PTK2: variants seen among roughly 807,000 people sequenced by gnomAD.
PTK2 encodes the protein protein tyrosine kinase 2, also known as focal adhesion kinase 1.
In PTK2, 45 loss-of-function variants were observed where a neutral mutation model predicts 150.1. That is an observed-to-expected ratio of 0.30 (90% CI 0.24 to 0.38). The LOEUF is 0.38. Among genes scored for constraint, PTK2 ranks in the 10% least tolerant of loss-of-function variants. PTK2 has a pLI of 1.00. For synonymous variants in PTK2, 432 were observed against 449.2 expected (o/e 0.96, Z 0.48); for missense variants, 919 against 1,307.3 (o/e 0.70, Z 4.58).
intron 3 of PTK2, among the ~76,000 whole-genome samples, chr8:140,883,982 T>A (rs2100150775): frequency 6.6e-6 from 1 of 152,138 alleles, no homozygotes; most frequent in Non-Finnish European, 1.5e-5. Context: ...ACTGCACTCC[T>A]TGGCTCATGG....
intron 3 of PTK2, among the ~76,000 whole-genome samples, chr8:140,881,391 T>C (rs2100148964): frequency 6.6e-6 from 1 of 152,222 alleles, no homozygotes; most frequent in Admixed American, 6.5e-5. Context: ...GGATGGAAGC[T>C]AGCACCTCTG....
rs1252621560 is a variant in PTK2 at position 140,890,638 on chromosome 8, C to A, written c.100G>T (p.Glu34Ter). 1 of 1,613,986 alleles carries A rather than the reference C, an allele frequency of 6.2e-7. No homozygotes were observed. Among genetic ancestry groups the A allele is most frequent in the Non-Finnish European group, 8.5e-7 (1 of 1,180,030 alleles). ...TAATGAAAGACCTTTAATACTCGCT[C>A]CATTGCACCAGGAGAACGTTCCATA... Residue 34 changes from glutamate (E) to a stop codon, truncating the protein, a stop_gained, in exon 3 of 32, where the codon GAG becomes TAG. Coordinates refer to ENST00000522684, the Ensembl canonical transcript of PTK2. LOFTEE classifies it high-confidence loss of function.
At chr8:140,829,399 T>C (rs1460639440) in intron 8 of PTK2, among the ~76,000 whole-genome samples, 1 of 152,202 alleles carries the variant, frequency 6.6e-6, no homozygotes, top group Non-Finnish European at 1.5e-5. Flanking sequence ...TGTCACAGAT[T>C]GCATCTGATA....
At chr8:140,800,682 G>C in intron 11 of PTK2, 106 bp from the exon 12 acceptor site, 3 of 790,750 alleles carry the variant, frequency 3.8e-6, no homozygotes, top group Non-Finnish European at 6.4e-6. Context: ...AAACAGAGAA[G>C]AGTGGGAATG....
chr8:140,959,359 T>C (rs2100182284), intron 1 of PTK2, among the ~76,000 whole-genome samples: 3 of 147,632 alleles, frequency 2.0e-5, no homozygotes, highest in Non-Finnish European at 4.5e-5. Context: ...TGAAACCCCG[T>C]CTCTACTAAA....
At chr8:140,789,603 A>G (rs959361624) in intron 13 of PTK2, 77 bp from the exon 14 acceptor site, 1 of 1,446,912 alleles carries the variant, frequency 6.9e-7, no homozygotes, top group East Asian at 2.4e-5. Context: ...CAAGTGGGGA[A>G]CTGCCTTGGA....
intron 16 of PTK2, among the ~76,000 whole-genome samples, chr8:140,754,379 A>G (rs1258943145): frequency 2.0e-5 from 3 of 152,220 alleles, no homozygotes; most frequent in Non-Finnish European, 4.4e-5. Flanking sequence ...GTCTTCCTTA[A>G]TTAGACTGTG....
intron 3 of PTK2, among the ~76,000 whole-genome samples, chr8:140,883,328 T>C (rs2100150314): frequency 6.6e-6 from 1 of 152,144 alleles, no homozygotes. Context: ...ACAATGAACA[T>C]GTGCAAATGA....
chr8:140,951,597 A>G (rs1283734933), intron 1 of PTK2, among the ~76,000 whole-genome samples: 1 of 152,194 alleles, frequency 6.6e-6, no homozygotes, highest in African/African-American at 2.4e-5. Flanking sequence ...AAAAGTTCCA[A>G]TGAGGCCAGG....
At chr8:140,678,326 G>C (rs1479118348) in intron 27 of PTK2, among the ~76,000 whole-genome samples, 1 of 152,176 alleles carries the variant, frequency 6.6e-6, no homozygotes, top group African/African-American at 2.4e-5. Context: ...GGGATTACAG[G>C]CGTGAGCCAC....
rs2154602161 is a variant in PTK2, at chr8:140,822,228, CA to C, written c.649-3209del. On this transcript the variant is annotated intron_variant, in intron 8 of 31. Transcript: ENST00000522684. ...TGGCACTTGGCATACACTGCATAAT[CA>C]GAACAGGTATCTATTCTCAATAAAT... The C allele has an allele frequency of 2.0e-5, 3 of 152,286 alleles. No homozygotes were observed. In the East Asian group the frequency reaches 5.8e-4, roughly 29 times the overall value. The allele number at this position is 152,286 out of a possible 1,614,324, so 9.4% of individuals were successfully genotyped here.
chr8:140,755,782 G>T (rs895418872), intron 16 of PTK2, among the ~76,000 whole-genome samples: 6 of 152,034 alleles, frequency 3.9e-5, no homozygotes, highest in African/African-American at 9.7e-5. Flanking sequence ...ATTGCTCAAA[G>T]AATTAACTGA....
chr8:140,686,876 T>C, intron 26 of PTK2, 182 bp from the exon 30 acceptor site: 1 of 601,130 alleles, frequency 1.7e-6, no homozygotes, highest in Non-Finnish European at 2.9e-6. Flanking sequence ...TGGGAAGAAC[T>C]GCATTCCTCT....
intron 1 of PTK2, among the ~76,000 whole-genome samples, chr8:141,000,087 TCACACACACACACA>T (rs71310820): frequency 2.4e-5 from 2 of 81,650 alleles, no homozygotes; most frequent in African/African-American, 7.1e-5. Flanking sequence ...TGAAACCAAT[TCACACACACACACA>T]CACACACACA....
chr8:140,896,916 T>A lies in PTK2; in HGVS notation c.-32-6147A>T, dbSNP rs888456247. On this transcript the variant is annotated intron_variant, in intron 2 of 31. Coordinates refer to ENST00000522684, the Ensembl canonical transcript of PTK2. ...AAGAAAATCTAAAAGAATCTACAAA[T>A]AAACTGCTGGAATAAATAAATAAAT... Among the ~76,000 whole-genome samples, 9 of 150,640 alleles carry A rather than the reference T, an allele frequency of 6.0e-5. 1 individual carries two copies. Among genetic ancestry groups the A allele is most frequent in the Admixed American group, 6.7e-5 (1 of 14,986 alleles).
chr8:140,665,051 C>T, intron 30 of PTK2, 54 bp from the exon 35 acceptor site: 1 of 1,473,710 alleles, frequency 6.8e-7, no homozygotes, highest in Non-Finnish European at 9.3e-7. Flanking sequence ...GATTTTTATG[C>T]TTTTCAGTTA....
chr8:140,993,706 T>C (rs189011919), intron 1 of PTK2, among the ~76,000 whole-genome samples: 21 of 152,230 alleles, frequency 1.4e-4, no homozygotes, highest in African/African-American at 5.1e-4. Context: ...AAAGAGACCC[T>C]AGGCACAGAT....
chr8:140,984,760 C>T (rs755990894), intron 1 of PTK2, among the ~76,000 whole-genome samples: 2 of 152,112 alleles, frequency 1.3e-5, no homozygotes, highest in African/African-American at 2.4e-5. Flanking sequence ...ATCTTTACCG[C>T]CCCTCTTGTA....
intron 12 of PTK2, among the ~76,000 whole-genome samples, chr8:140,795,422 T>C (rs369471904): frequency 1.3e-5 from 2 of 152,148 alleles, no homozygotes; most frequent in East Asian, 1.9e-4. Context: ...CAGCCTTCAA[T>C]AGGGAATAGC....
Sources: gnomAD v4.1 joint callset for allele counts (sites outside exome capture counted in the v4.1 genomes callset) on GRCh38, gnomAD v4.1.1 for gene constraint, MANE v1.5 for transcripts, NCBI Gene and HGNC (gene_info 2026-07-23, HGNC 2026-07-21) for gene names.